Variants in ARMH1 observed in about 807,000 individuals in gnomAD.
ARMH1 encodes armadillo like helical domain containing 1.
Under a neutral mutation model 50.2 loss-of-function variants are expected in ARMH1, and 34 were observed. The ratio of observed to expected loss-of-function variants is 0.68; its 90% CI spans 0.51 to 0.90. The LOEUF (loss-of-function observed/expected upper bound fraction) is 0.90, where lower values mean the gene tolerates loss of function less well. Among genes scored for constraint, ARMH1 ranks in the 40% least tolerant of loss-of-function variants. The pLI is 0.00. For missense variants in ARMH1, 538 were observed against 553.9 expected (o/e 0.97, Z 0.29); for synonymous variants, 221 against 224.2 (o/e 0.99, Z 0.13).
chr1:44,718,285 G>A (rs1254572286), intron 6 of ARMH1, among the ~76,000 whole-genome samples: 1 of 152,212 alleles, frequency 6.6e-6, no homozygotes, highest in Non-Finnish European at 1.5e-5. Flanking sequence ...CCTGGGAAGA[G>A]CCCAGCTACT....
Position 44,690,043 on chromosome 1 carries a change from C to T in ARMH1, c.206+140C>T, listed in dbSNP as rs562834827. 86 of 715,746 alleles carry T rather than the reference C, an allele frequency of 1.2e-4. 1 individual carries two copies. In the South Asian group the frequency reaches 1.6e-3, roughly 13 times the overall value. 44.3% of individuals were successfully genotyped at this position (715,746 alleles called of 1,614,324 possible). A position where few individuals can be genotyped will look rare whatever the true frequency, so the allele number is the denominator to read the frequency against. On this transcript the variant is annotated intron_variant, in intron 2 of 11. Transcript: ENST00000535358. ...GACCAGCCTAACCAACATGGTGAAA[C>T]CCTGTCTCTACTAAAAATACAAAAA...
chr1:44,709,540 C>T (rs572050539), intron 6 of ARMH1, among the ~76,000 whole-genome samples: 2 of 151,948 alleles, frequency 1.3e-5, no homozygotes, highest in East Asian at 1.9e-4. Flanking sequence ...GGCGTAGTGG[C>T]ATGCGCCTGT....
At position 44,681,435 on chromosome 1, in the gene ARMH1, T is replaced by C. The variant is rs1422075397; in HGVS notation, c.-23+6562T>C. 1.3e-5 allele frequency among the ~76,000 whole-genome samples: 2 copies of C among 152,102 alleles called. No individual in the cohort carries two copies. The highest frequency in any genetic ancestry group is 2.4e-5 in the African/African-American group (1 of 41,420). On this transcript the variant is annotated intron_variant, in intron 1 of 11. Coordinates refer to ENST00000535358, the MANE Select transcript of ARMH1 (RefSeq NM_001145636.2). The surrounding 1 kb of genome is among the most constrained non-coding windows in gnomAD (Gnocchi z 4.3). ...AGACTGCATTGAGCTATGACGGTGCTGTGCACTCCAGCCTGAGTGACAAGA... is the reference window on the plus strand; with the variant it reads ...AGACTGCATTGAGCTATGACGGTGCCGTGCACTCCAGCCTGAGTGACAAGA...
Position 44,724,068 on chromosome 1 carries a change from C to T in ARMH1, c.725-54C>T, listed in dbSNP as rs1647832337. 6.5e-7 allele frequency: 1 copy of T among 1,528,838 alleles called. No homozygotes were observed. The highest frequency in any genetic ancestry group is 8.8e-7 in the Non-Finnish European group (1 of 1,134,820). 94.7% of individuals were successfully genotyped at this position (1,528,838 alleles called of 1,614,324 possible). A position where few individuals can be genotyped will look rare whatever the true frequency, so the allele number is the denominator to read the frequency against. On this transcript the variant is annotated intron_variant, in intron 6 of 11. Transcript: ENST00000535358. The surrounding 1 kb of genome is among the most constrained non-coding windows in gnomAD (Gnocchi z 6.4). ...ACTTGGTTCACGGGGTTCTTTGCTT[C>T]CTCGGTGGCGGAGGGGCCTGGGGCC...
chr1:44,697,047 T>C (rs1557530558), intron 2 of ARMH1, 55 bp from the exon 3 acceptor site: 9 of 1,363,550 alleles, frequency 6.6e-6, no homozygotes, highest in Non-Finnish European at 9.2e-6. Flanking sequence ...AGGCACGGGC[T>C]CTGGCTTCTG....
At chr1:44,721,053 A>T (rs552047292) in intron 6 of ARMH1, among the ~76,000 whole-genome samples, 1 of 151,964 alleles carries the variant, frequency 6.6e-6, no homozygotes, top group East Asian at 1.9e-4. Context: ...AAACAAAACA[A>T]AAAAAGGGCA....
intron 2 of ARMH1, among the ~76,000 whole-genome samples, chr1:44,696,752 C>T (rs1326307465): frequency 6.6e-6 from 1 of 152,140 alleles, no homozygotes; most frequent in Non-Finnish European, 1.5e-5. Flanking sequence ...ATGCTGACAC[C>T]AAGGATGCAA....
intron 6 of ARMH1, 148 bp from the exon 7 acceptor site, chr1:44,723,974 C>T: frequency 2.0e-6 from 2 of 1,001,828 alleles, no homozygotes; most frequent in Non-Finnish European, 1.4e-6. Context: ...AACTGAGGTT[C>T]GCCTTCCCAG....
intron 10 of ARMH1, 21 bp from the exon 11 acceptor site, chr1:44,725,115 C>A: frequency 2.6e-6 from 4 of 1,551,652 alleles, no homozygotes; most frequent in Non-Finnish European, 2.6e-6. Context: ...CCAGCCGGGT[C>A]CCCCTTGCTC....
chr1:44,721,736 A>G (rs188282980), intron 6 of ARMH1: 4 of 152,014 alleles, frequency 2.6e-5, no homozygotes, highest in African/African-American at 4.8e-5. Context: ...CCAACCTCCC[A>G]AAGCATGAAA....
intron 6 of ARMH1, among the ~76,000 whole-genome samples, chr1:44,718,166 C>T (rs1646926757): frequency 1.3e-5 from 2 of 152,218 alleles, no homozygotes; most frequent in Non-Finnish European, 2.9e-5. Flanking sequence ...TTCACCTGTT[C>T]GTTTCTACCC....
Position 44,683,000 on chromosome 1 carries a change from C to T in ARMH1, c.-22-6676C>T, listed in dbSNP as rs776612732. Reference sequence around the variant, plus strand: ...TGTGGAGTTTAGGCTGGGGCAAGCCCGAAGACCAGTGGAGGCTGTTGCAGT... The same window carrying T: ...TGTGGAGTTTAGGCTGGGGCAAGCCTGAAGACCAGTGGAGGCTGTTGCAGT... On this transcript the variant is annotated intron_variant, in intron 1 of 11. Transcript: ENST00000535358. This position sits in a 1 kb window ranked among gnomAD's most constrained non-coding sequence, Gnocchi z 4.5. 2.0e-4 allele frequency among the ~76,000 whole-genome samples: 30 copies of T among 152,098 alleles called. No homozygotes were observed. The highest frequency in any genetic ancestry group is 4.4e-4 in the Non-Finnish European group (30 of 68,020).
chr1:44,721,776 C>T (rs749541892), intron 6 of ARMH1: 4 of 152,240 alleles, frequency 2.6e-5, no homozygotes, highest in South Asian at 2.1e-4. Context: ...TCTTTAGTAA[C>T]AGAACATTCA....
chr1:44,684,967 C>T (rs534819957), intron 1 of ARMH1, among the ~76,000 whole-genome samples: 1 of 152,226 alleles, frequency 6.6e-6, no homozygotes, highest in African/African-American at 2.4e-5. Context: ...CTCTCTCACC[C>T]TCCCTGGGAA....
At chr1:44,721,743 G>A (rs74992264) in intron 6 of ARMH1, 37 of 152,078 alleles carry the variant, frequency 2.4e-4, no homozygotes, top group African/African-American at 8.0e-4. Context: ...CCCAAAGCAT[G>A]AAACACCCCA....
intron 6 of ARMH1, among the ~76,000 whole-genome samples, chr1:44,705,545 C>A (rs1378584295): frequency 6.6e-6 from 1 of 151,782 alleles, no homozygotes; most frequent in Non-Finnish European, 1.5e-5. Context: ...CATAAGAGTA[C>A]AAACCCTGGT....
At chr1:44,699,198 C>T (rs567611970) in intron 4 of ARMH1, among the ~76,000 whole-genome samples, 9 of 149,480 alleles carry the variant, frequency 6.0e-5, no homozygotes, top group South Asian at 2.1e-4. Context: ...GTGGGAGAAT[C>T]GCTTGAACCC....
At chr1:44,678,112 TGGGAA>T (rs1031604588) in intron 1 of ARMH1, among the ~76,000 whole-genome samples, 1 of 151,516 alleles carries the variant, frequency 6.6e-6, no homozygotes, top group Non-Finnish European at 1.5e-5. Context: ...GTAAAAAGGT[TGGGAA>T]GGGAAGGAAG....
At chr1:44,702,235 A>G (rs1173584538) in intron 5 of ARMH1, among the ~76,000 whole-genome samples, 4 of 152,222 alleles carry the variant, frequency 2.6e-5, no homozygotes, top group African/African-American at 9.6e-5. Flanking sequence ...AGTCTTCACT[A>G]TAGCTGACGG....
Sources: gnomAD v4.1 joint callset for allele counts (sites outside exome capture counted in the v4.1 genomes callset) on GRCh38, gnomAD v4.1.1 for gene constraint, Gnocchi (gnomAD v3.1) non-coding constraint, MANE v1.5 for transcripts, NCBI Gene and HGNC (gene_info 2026-07-23, HGNC 2026-07-21) for gene names.